Variants in GPC5 observed in about 807,000 individuals in gnomAD.
GPC5 encodes glypican 5.
In GPC5, 47 loss-of-function variants were observed where a neutral mutation model predicts 53.9. The ratio of observed to expected loss-of-function variants is 0.87; its 90% confidence interval spans 0.69 to 1.11. GPC5 has a LOEUF of 1.11. GPC5 is among the 50% of genes most tolerant of loss of function. The pLI, the probability that GPC5 is intolerant of heterozygous loss-of-function variation, is 0.00. For missense variants in GPC5, 748 were observed against 713.1 expected (o/e 1.05, Z -0.56); for synonymous variants, 286 against 263.3 (o/e 1.09, Z -0.84).
chr13:92,396,793 G>A (rs987836846), intron 7 of GPC5, among the ~76,000 whole-genome samples: 2 of 152,160 alleles, frequency 1.3e-5, no homozygotes, highest in Non-Finnish European at 1.5e-5. Flanking sequence ...GTCTTGTAGA[G>A]GGCCTCTTTC....
At chr13:91,932,689 G>T (rs1267652235) in intron 6 of GPC5, among the ~76,000 whole-genome samples, 1 of 151,866 alleles carries the variant, frequency 6.6e-6, no homozygotes, top group African/African-American at 2.4e-5. Context: ...TGCCTCCAAT[G>T]CATGCCTTTT....
chr13:92,090,893 C>A (rs2138895812), intron 6 of GPC5, among the ~76,000 whole-genome samples: 1 of 152,310 alleles, frequency 6.6e-6, no homozygotes, highest in African/African-American at 2.4e-5. Flanking sequence ...TCATGTGCAT[C>A]TCCATGATGG....
At chr13:92,581,485 G>T (rs1333150794) in intron 7 of GPC5, among the ~76,000 whole-genome samples, 1 of 152,020 alleles carries the variant, frequency 6.6e-6, no homozygotes, top group Non-Finnish European at 1.5e-5. Flanking sequence ...GAACACATAG[G>T]GTGATTCCAT....
Position 92,195,970 on chromosome 13 carries a change from C to T in GPC5, c.1561+50981C>T, listed in dbSNP as rs539969114. Among the ~76,000 whole-genome samples, 5 of 152,130 alleles carry T rather than the reference C, an allele frequency of 3.3e-5. No homozygotes were observed. The East Asian group carries it at 7.7e-4, about 24-fold the overall frequency. ...GAGTGTAGCACTTTTAACAAGGAGG[C>T]GCAGGCCCTTTGGCATGGAACTGCC... is the stretch of plus-strand genomic sequence containing the variant. On this transcript the variant is annotated intron_variant, in intron 7 of 7. Coordinates refer to ENST00000377067, the MANE Select transcript of GPC5 (RefSeq NM_004466.6).
At chr13:92,440,469 A>G (rs2139384985) in intron 7 of GPC5, among the ~76,000 whole-genome samples, 1 of 152,272 alleles carries the variant, frequency 6.6e-6, no homozygotes, top group South Asian at 2.1e-4. Flanking sequence ...TCCATGGTAT[A>G]TACGTACCAC....
chr13:92,456,198 T>C (rs954289109), intron 7 of GPC5, among the ~76,000 whole-genome samples: 1 of 152,184 alleles, frequency 6.6e-6, no homozygotes, highest in Non-Finnish European at 1.5e-5. Flanking sequence ...GGTCCTTTCC[T>C]TTCTGCTGTA....
chr13:92,385,782 T>TGTATATATATACATATATAC (rs1299687846), intron 7 of GPC5, among the ~76,000 whole-genome samples: 12 of 117,756 alleles, frequency 1.0e-4, no homozygotes, highest in South Asian at 9.6e-4. Context: ...TATACATATA[T>TGTATATATATACATATATAC]GTATATATAT....
chr13:91,901,032 G>C (rs1290430686), intron 5 of GPC5, among the ~76,000 whole-genome samples: 1 of 151,880 alleles, frequency 6.6e-6, no homozygotes, highest in African/African-American at 2.4e-5. Context: ...TATTATATTT[G>C]TTGCAGTGGG....
At chr13:92,368,620 G>C (rs1002559832) in intron 7 of GPC5, among the ~76,000 whole-genome samples, 1 of 107,430 alleles carries the variant, frequency 9.3e-6, no homozygotes, top group East Asian at 3.0e-4. Context: ...CTGGGTGATA[G>C]AGCAAGACTG....
intron 5 of GPC5, among the ~76,000 whole-genome samples, chr13:91,888,416 ATTAGT>A (rs1352562888): frequency 6.6e-6 from 1 of 152,160 alleles, no homozygotes; most frequent in Non-Finnish European, 1.5e-5. Flanking sequence ...ATTTTTGTAA[ATTAGT>A]TTATTATTCT....
At chr13:91,708,080 A>G (rs914424506) in intron 3 of GPC5, among the ~76,000 whole-genome samples, 1 of 152,218 alleles carries the variant, frequency 6.6e-6, no homozygotes, top group African/African-American at 2.4e-5. Context: ...ACAGGAGTTA[A>G]TGAATTGGTC....
At chr13:91,798,828 C>T (rs750181154) in intron 5 of GPC5, among the ~76,000 whole-genome samples, 2 of 152,160 alleles carry the variant, frequency 1.3e-5, no homozygotes, top group Non-Finnish European at 2.9e-5. Flanking sequence ...TTTACACTCC[C>T]ACCATCAGTG....
At position 92,347,012 on chromosome 13, in the gene GPC5, T is replaced by C. The variant is rs576627345; in HGVS notation, c.1561+202023T>C. Among the ~76,000 whole-genome samples the C allele has an allele frequency of 3.1e-4, 47 of 151,788 alleles. No individual in the cohort carries two copies. The South Asian group carries it at 3.3e-3, about 11-fold the overall frequency. On this transcript the variant is annotated intron_variant, in intron 7 of 7. Coordinates refer to ENST00000377067, the MANE Select transcript of GPC5 (RefSeq NM_004466.6). ...TCAAAGGAGCCAAAAGACAAAAGAA[T>C]GAAAAAATGTAACGAAATCCTACAG...
intron 2 of GPC5, among the ~76,000 whole-genome samples, chr13:91,465,711 G>T (rs9301730): frequency 0.035 from 5,290 of 152,108 alleles, 322 homozygotes; most frequent in African/African-American, 0.12. Flanking sequence ...TTCACAAGTA[G>T]TATCTTTTCT....
intron 2 of GPC5, among the ~76,000 whole-genome samples, chr13:91,583,829 G>A (rs941699667): frequency 6.6e-6 from 1 of 152,106 alleles, no homozygotes; most frequent in Non-Finnish European, 1.5e-5. Flanking sequence ...ATGAGATAGT[G>A]CAATACTTAC....
rs188865566 is a variant in GPC5, at chr13:92,338,061, C to A, written c.1561+193072C>A. ...TAGAAAATAATTGCAAAAGATACAGCAGATAAAGGATTGTTATCCCAAAGA... is the reference window on the plus strand; with the variant it reads ...TAGAAAATAATTGCAAAAGATACAGAAGATAAAGGATTGTTATCCCAAAGA... On this transcript the variant is annotated intron_variant, in intron 7 of 7. Coordinates refer to ENST00000377067, the MANE Select transcript of GPC5 (RefSeq NM_004466.6). Among the ~76,000 whole-genome samples the A allele has an allele frequency of 1.2e-4, 18 of 152,006 alleles. No individual in the cohort carries two copies. In the East Asian group the frequency reaches 3.1e-3, roughly 26 times the overall value.
chr13:92,762,839 A>G (rs1875240454), intron 7 of GPC5, among the ~76,000 whole-genome samples: 1 of 151,888 alleles, frequency 6.6e-6, no homozygotes. Context: ...CTTCTTTTCA[A>G]AAGACCTTTT....
intron 7 of GPC5, among the ~76,000 whole-genome samples, chr13:92,708,183 A>T (rs1888013397): frequency 6.6e-6 from 1 of 152,178 alleles, no homozygotes; most frequent in Non-Finnish European, 1.5e-5. Flanking sequence ...TATAAGACAA[A>T]TTTTGAAGAA....
At chr13:92,706,842 T>C (rs369390782) in intron 7 of GPC5, among the ~76,000 whole-genome samples, 1 of 152,208 alleles carries the variant, frequency 6.6e-6, no homozygotes, top group African/African-American at 2.4e-5. Flanking sequence ...AAAATTCGTA[T>C]GTTGAAATCC....
Sources: allele counts gnomAD v4.1 joint callset (sites outside exome capture counted in the v4.1 genomes callset), GRCh38; gene constraint gnomAD v4.1.1; transcripts MANE v1.5; gene names NCBI Gene and HGNC (gene_info 2026-07-23, HGNC 2026-07-21).